LY75: variants seen among roughly 807,000 people sequenced by gnomAD.
LY75 encodes lymphocyte antigen 75, also known as C-type lectin domain family 13 member B.
In LY75, 185 loss-of-function variants were observed where a neutral mutation model predicts 231.7. That is an observed-to-expected ratio of 0.80 (90% CI 0.71 to 0.90). LY75 has a LOEUF of 0.90. LY75 is among the 40% of genes least tolerant of loss of function. The pLI is 0.00. For missense variants in LY75, 1,947 were observed against 2,050.2 expected (o/e 0.95, Z 0.97); for synonymous variants, 668 against 689.0 (o/e 0.97, Z 0.48).
intron 34 of LY75, among the ~76,000 whole-genome samples, chr2:159,806,624 T>C (rs1468788243): frequency 6.6e-6 from 1 of 152,182 alleles, no homozygotes; most frequent in Non-Finnish European, 1.5e-5. Flanking sequence ...AGGAAGCAAA[T>C]TAACTGCAGA....
intron 18 of LY75, 49 bp from the exon 19 acceptor site, chr2:159,853,746 A>G: frequency 1.9e-6 from 3 of 1,610,668 alleles, no homozygotes; most frequent in Non-Finnish European, 1.7e-6. Flanking sequence ...AGCTTTCTTG[A>G]GGGTTTTGAT....
rs1270925627 is a variant in LY75 at position 159,816,976 on chromosome 2, C to T, written c.4210G>A (p.Gly1404Ser). 4 of 1,613,874 alleles carry T rather than the reference C, an allele frequency of 2.5e-6. No homozygotes were observed. Among genetic ancestry groups the T allele is most frequent in the African/African-American group, 1.3e-5 (1 of 74,902 alleles). Reference protein sequence around the residue: ...TLPQFMPYEDGIYSVIQKKVT... With the variant: ...TLPQFMPYEDSIYSVIQKKVT... ...TTTTTTTGAATAACACTGTAAATAC[C>T]ATCTTCATATGGCATAAACTGTGGC... The change falls in exon 30 of 35, where the codon GGT becomes AGT. Residue 1404 changes from glycine (G) to serine (S), a missense_variant. Coordinates refer to ENST00000263636, the MANE Select transcript of LY75 (RefSeq NM_002349.4).
In LY75 at chr2:159,804,111, A is replaced by G. The variant is rs1235210047; in HGVS notation, c.*933T>C. Reference sequence around the variant, plus strand: ...AAATCTTTAAAAGTCATTGTTTTATAAACAATTATAAACAGAAAAAAACTC... The same window carrying G: ...AAATCTTTAAAAGTCATTGTTTTATGAACAATTATAAACAGAAAAAAACTC... On this transcript the variant is annotated 3_prime_UTR_variant, in exon 35 of 35. Coordinates refer to ENST00000263636, the MANE Select transcript of LY75 (RefSeq NM_002349.4). The G allele has an allele frequency of 6.6e-6, 1 of 152,250 alleles. No homozygotes were observed. The highest frequency in any genetic ancestry group is 1.5e-5 in the Non-Finnish European group (1 of 68,040). The allele number at this position is 152,250 out of a possible 1,614,324, so 9.4% of individuals were successfully genotyped here.
rs181341894 is a variant in LY75 at position 159,828,732 on chromosome 2, G to C, written c.3958+2938C>G. 3.9e-5 allele frequency among the ~76,000 whole-genome samples: 6 copies of C among 152,200 alleles called. No individual in the cohort carries two copies. In the East Asian group the frequency reaches 5.8e-4, roughly 15 times the overall value. On this transcript the variant is annotated intron_variant, in intron 28 of 34. Transcript: ENST00000263636. ...TAATTAAAAATGGTTTAAAATTTAG[G>C]TTGTTTTACCTAAATGTCCATCAAG...
chr2:159,878,183 T>C, intron 11 of LY75, 141 bp downstream of exon 11: 1 of 1,170,536 alleles, frequency 8.5e-7, no homozygotes, highest in Non-Finnish European at 1.2e-6. Context: ...ACTGCTTCTA[T>C]TTATGGTTCC....
chr2:159,839,456 GGC>G (rs1560075135), intron 25 of LY75, among the ~76,000 whole-genome samples: 1 of 152,158 alleles, frequency 6.6e-6, no homozygotes, highest in Non-Finnish European at 1.5e-5. Context: ...TTCTTTGTTG[GGC>G]TCTGAAATGA....
At chr2:159,851,346 C>CA (rs973997531) in intron 21 of LY75, among the ~76,000 whole-genome samples, 2 of 152,082 alleles carry the variant, frequency 1.3e-5, no homozygotes, top group Admixed American at 6.6e-5. Context: ...AAATATCTTA[C>CA]AAAAAAAATT....
intron 2 of LY75, among the ~76,000 whole-genome samples, chr2:159,894,524 T>C (rs1685853826): frequency 6.6e-6 from 1 of 152,184 alleles, no homozygotes; most frequent in Non-Finnish European, 1.5e-5. Context: ...GCCAGAAAAA[T>C]TCCTTGGAAC....
chr2:159,869,546 C>T (rs1357671476), intron 13 of LY75, among the ~76,000 whole-genome samples: 1 of 152,166 alleles, frequency 6.6e-6, no homozygotes, highest in Non-Finnish European at 1.5e-5. Context: ...TCACACTTCT[C>T]AAGAGTGTAT....
intron 28 of LY75, 149 bp downstream of exon 28, chr2:159,831,521 A>C (rs1683660032): frequency 2.4e-6 from 2 of 825,900 alleles, no homozygotes. Context: ...AGACATAAAA[A>C]CTGTCTTGGT....
chr2:159,884,878 C>T (rs2125878241), intron 6 of LY75, among the ~76,000 whole-genome samples: 1 of 152,278 alleles, frequency 6.6e-6, no homozygotes, highest in South Asian at 2.1e-4. Flanking sequence ...AAGAGCCACA[C>T]ACGAACAGAA....
chr2:159,816,564 A>C (rs971223882), intron 30 of LY75, among the ~76,000 whole-genome samples: 4 of 152,076 alleles, frequency 2.6e-5, no homozygotes, highest in African/African-American at 9.7e-5. Context: ...TAGGCTATAG[A>C]GGTGTTGTTG....
In LY75 at chr2:159,853,626, C is replaced by A; in HGVS notation, c.2663+4G>T. On this transcript the variant is annotated splice_donor_region_variant and intron_variant, in intron 19 of 34. Transcript: ENST00000263636. ...ACAAAGGTAGAATCAATGATGTCAC[C>A]TACTATGTAAAATGATCATCTATTG... 1 of 1,613,368 alleles carries A rather than the reference C, an allele frequency of 6.2e-7. No homozygotes were observed. Among genetic ancestry groups the A allele is most frequent in the South Asian group, 1.1e-5 (1 of 91,072 alleles).
intron 24 of LY75, among the ~76,000 whole-genome samples, chr2:159,842,020 C>T (rs183744655): frequency 6.6e-6 from 1 of 151,868 alleles, no homozygotes; most frequent in East Asian, 1.9e-4. Context: ...AATATAAATT[C>T]TTTTATAGTA....
Position 159,835,593 on chromosome 2 carries a change from C to T in LY75, c.3560G>A (p.Trp1187Ter), listed in dbSNP as rs1683794860. The T allele has an allele frequency of 1.2e-6, 2 of 1,613,610 alleles. No homozygotes were observed. The highest frequency in any genetic ancestry group is 2.7e-5 in the African/African-American group (2 of 74,902). The change falls in exon 26 of 35, where the codon TGG becomes TAG. Residue 1187 changes from tryptophan (W) to a stop codon, truncating the protein, a stop_gained. Coordinates refer to ENST00000263636, the MANE Select transcript of LY75 (RefSeq NM_002349.4). LOFTEE classifies it high-confidence loss of function. ...SDGKRLHFSR[W>*]AETNGQLEDC... Reference sequence around the variant, plus strand: ...TTCGAGTTGCCCATTAGTTTCAGCCCAGCGACTAAAATGAAGACGTTTCCC... The same window carrying T: ...TTCGAGTTGCCCATTAGTTTCAGCCTAGCGACTAAAATGAAGACGTTTCCC...
chr2:159,848,690 A>G (rs1684293664), intron 23 of LY75, among the ~76,000 whole-genome samples: 1 of 152,204 alleles, frequency 6.6e-6, no homozygotes. Flanking sequence ...AAAGCCCTAG[A>G]AGAAAAGATG....
At chr2:159,872,616 T>A (rs761057674) in intron 12 of LY75, 23 bp from the exon 13 acceptor site, 8 of 1,604,440 alleles carry the variant, frequency 5.0e-6, no homozygotes, top group Non-Finnish European at 5.1e-6. Flanking sequence ...TAATATTAAT[T>A]TGTTTTATGG....
chr2:159,830,318 C>T (rs935824417), intron 28 of LY75, among the ~76,000 whole-genome samples: 10 of 152,036 alleles, frequency 6.6e-5, no homozygotes, highest in African/African-American at 2.2e-4. Context: ...TGTCCTGTGC[C>T]CCTTATCAAA....
At position 159,849,977 on chromosome 2, in the gene LY75, T is replaced by C. The variant is rs1684332622; in HGVS notation, c.3150+3A>G. On this transcript the variant is annotated splice_donor_region_variant and intron_variant, in intron 23 of 34. Coordinates refer to ENST00000263636, the MANE Select transcript of LY75 (RefSeq NM_002349.4). Reference sequence around the variant, plus strand: ...AAGAGTATTGGTTTTTAAAAAAACTTACATTTTCTGGTATTCTCAGCCTCC... The same window carrying C: ...AAGAGTATTGGTTTTTAAAAAAACTCACATTTTCTGGTATTCTCAGCCTCC... The C allele has an allele frequency of 1.9e-6, 3 of 1,607,626 alleles. No homozygotes were observed. Among genetic ancestry groups the C allele is most frequent in the African/African-American group, 1.3e-5 (1 of 74,474 alleles).
Sources: allele counts gnomAD v4.1 joint callset (sites outside exome capture counted in the v4.1 genomes callset), GRCh38; gene constraint gnomAD v4.1.1; transcripts MANE v1.5; gene names NCBI Gene and HGNC (gene_info 2026-07-23, HGNC 2026-07-21).